The following PTPRD variants were observed in gnomAD, a reference collection of about 807,000 sequenced individuals.
PTPRD encodes the protein protein tyrosine phosphatase receptor type D.
In PTPRD, 34 loss-of-function variants were observed where a neutral mutation model predicts 214.5. The ratio of observed to expected loss-of-function variants is 0.16; its 90% CI spans 0.12 to 0.21. The LOEUF is 0.21. PTPRD is among the 10% of genes least tolerant of loss of function. The pLI is 1.00. For missense variants in PTPRD, 2,545 were observed against 2,398.7 expected (o/e 1.06, Z -1.27); for synonymous variants, 1,128 against 845.7 (o/e 1.33, Z -5.79).
chr9:8,364,749 C>T (rs978779207), intron 39 of PTPRD, among the ~76,000 whole-genome samples: 8 of 152,342 alleles, frequency 5.3e-5, no homozygotes, highest in African/African-American at 1.9e-4. Flanking sequence ...CGATTTTCTG[C>T]TGCGGTAGCC....
At chr9:9,436,444 C>A (rs73401081) in intron 8 of PTPRD, among the ~76,000 whole-genome samples, 2 of 151,820 alleles carry the variant, frequency 1.3e-5, no homozygotes, top group African/African-American at 4.8e-5. Context: ...TTAACACTGA[C>A]TGATTAGATA....
At chr9:8,911,408 G>GTA in intron 11 of PTPRD, among the ~76,000 whole-genome samples, 1 of 127,382 alleles carries the variant, frequency 7.9e-6, no homozygotes, top group East Asian at 2.9e-4. Flanking sequence ...CTGTGTGTGT[G>GTA]TGTGTGTTGT....
intron 13 of PTPRD, among the ~76,000 whole-genome samples, chr9:8,634,884 C>T (rs912007562): frequency 6.6e-5 from 10 of 151,462 alleles, no homozygotes; most frequent in African/African-American, 2.4e-4. Flanking sequence ...ACATTACACG[C>T]CAGTGATGTA....
At chr9:8,927,599 G>C (rs1289304478) in intron 11 of PTPRD, among the ~76,000 whole-genome samples, 1 of 152,078 alleles carries the variant, frequency 6.6e-6, no homozygotes, top group Non-Finnish European at 1.5e-5. Context: ...TCTTTATCCA[G>C]TCTATCATTG....
intron 2 of PTPRD, among the ~76,000 whole-genome samples, chr9:10,603,243 G>A (rs1303383381): frequency 2.6e-5 from 4 of 151,812 alleles, no homozygotes; most frequent in African/African-American, 7.2e-5. Flanking sequence ...AATACACTCA[G>A]AAGCATTTGT....
At chr9:9,937,827 CATA>C (rs1216375112) in intron 5 of PTPRD, among the ~76,000 whole-genome samples, 1 of 152,110 alleles carries the variant, frequency 6.6e-6, no homozygotes, top group African/African-American at 2.4e-5. Flanking sequence ...CTGTATAATA[CATA>C]TATTTCATTC....
chr9:9,152,873 G>A (rs541932094), intron 10 of PTPRD, among the ~76,000 whole-genome samples: 8 of 152,270 alleles, frequency 5.3e-5, no homozygotes, highest in Non-Finnish European at 7.4e-5. Context: ...AACCAGAACC[G>A]ATGAGAGGGG....
intron 33 of PTPRD, among the ~76,000 whole-genome samples, chr9:8,454,168 T>C (rs973892800): frequency 6.6e-6 from 1 of 152,162 alleles, no homozygotes; most frequent in African/African-American, 2.4e-5. Context: ...GATGTGAAAA[T>C]GCTAATATCA....
chr9:8,602,062 T>G (rs1461835668), intron 14 of PTPRD, among the ~76,000 whole-genome samples: 2 of 152,016 alleles, frequency 1.3e-5, no homozygotes, highest in Non-Finnish European at 2.9e-5. Context: ...CTTAGCAATG[T>G]GCTACCAAAC....
At chr9:10,383,007 A>C (rs2097851485) in intron 2 of PTPRD, among the ~76,000 whole-genome samples, 1 of 151,822 alleles carries the variant, frequency 6.6e-6, no homozygotes, top group African/African-American at 2.4e-5. Context: ...TACTACTGTT[A>C]ATATAATCAC....
chr9:9,663,755 T>C (rs2096662862), intron 7 of PTPRD, among the ~76,000 whole-genome samples: 1 of 151,730 alleles, frequency 6.6e-6, no homozygotes, highest in East Asian at 1.9e-4. Flanking sequence ...TATTAAGTGA[T>C]ATATACCTAA....
chr9:8,328,529 G>A (rs1836359538), intron 44 of PTPRD, among the ~76,000 whole-genome samples: 1 of 152,118 alleles, frequency 6.6e-6, no homozygotes, highest in South Asian at 2.1e-4. Context: ...GAATATCTTA[G>A]TGGTGTTCTC....
chr9:9,947,336 T>A (rs1362333746), intron 4 of PTPRD, among the ~76,000 whole-genome samples: 29 of 58,496 alleles, frequency 5.0e-4, no homozygotes, highest in African/African-American at 2.1e-3. Flanking sequence ...TATATATGTA[T>A]TATATATATA....
intron 7 of PTPRD, among the ~76,000 whole-genome samples, chr9:9,731,068 A>C (rs942868276): frequency 1.3e-5 from 2 of 152,188 alleles, no homozygotes; most frequent in East Asian, 3.8e-4. Flanking sequence ...ACCTTATTTA[A>C]GTGAAAAAAT....
At chr9:9,074,603 A>T (rs1401354106) in intron 10 of PTPRD, among the ~76,000 whole-genome samples, 1 of 152,016 alleles carries the variant, frequency 6.6e-6, no homozygotes, top group African/African-American at 2.4e-5. Flanking sequence ...TATATATATA[A>T]AAGATGATCA....
At chr9:8,421,199 C>T (rs752153959) in intron 35 of PTPRD, among the ~76,000 whole-genome samples, 2 of 152,132 alleles carry the variant, frequency 1.3e-5, no homozygotes, top group Non-Finnish European at 2.9e-5. Context: ...ATGCAAAGAG[C>T]AAACTAGACT....
intron 12 of PTPRD, among the ~76,000 whole-genome samples, chr9:8,687,184 G>A (rs2097698096): frequency 1.3e-5 from 2 of 151,944 alleles, no homozygotes; most frequent in Non-Finnish European, 2.9e-5. Context: ...GATTTTACAG[G>A]TTTAAGAGAA....
chr9:9,627,508 G>A (rs991259041), intron 7 of PTPRD, among the ~76,000 whole-genome samples: 16 of 152,192 alleles, frequency 1.1e-4, no homozygotes, highest in African/African-American at 3.9e-4. Context: ...TTCTATAGCA[G>A]TAGAACTTCA....
chr9:9,108,582 TA>T (rs2099801953), intron 10 of PTPRD, among the ~76,000 whole-genome samples: 1 of 152,202 alleles, frequency 6.6e-6, no homozygotes, highest in African/African-American at 2.4e-5. Context: ...ATGCCACTTA[TA>T]ACACTTGGCT....
Sources: allele counts gnomAD v4.1 joint callset (sites outside exome capture counted in the v4.1 genomes callset), GRCh38; gene constraint gnomAD v4.1.1; transcripts MANE v1.5; gene names NCBI Gene and HGNC (gene_info 2026-07-23, HGNC 2026-07-21).